Variants in RIMS1 observed in about 807,000 individuals in gnomAD.
RIMS1 encodes the protein regulating synaptic membrane exocytosis protein 1.
A neutral mutation model predicts 214.1 loss-of-function variants in RIMS1; 83 were observed. The ratio of observed to expected loss-of-function variants is 0.39; its 90% CI spans 0.32 to 0.47. The LOEUF is 0.47. Among genes scored for constraint, RIMS1 ranks in the 20% least tolerant of loss-of-function variants. The pLI, the probability that RIMS1 is intolerant of heterozygous loss-of-function variation, is 0.99. For missense variants in RIMS1, 2,050 were observed against 2,161.8 expected (o/e 0.95, Z 1.03); for synonymous variants, 793 against 786.8 (o/e 1.01, Z -0.13).
chr6:71,920,621 T>C (rs968370627), intron 1 of RIMS1, among the ~76,000 whole-genome samples: 72 of 152,194 alleles, frequency 4.7e-4, no homozygotes, highest in African/African-American at 1.7e-3. Flanking sequence ...ATTCCATCAA[T>C]GTTTTTATAC....
intron 2 of RIMS1, among the ~76,000 whole-genome samples, chr6:72,014,077 G>T (rs1001141113): frequency 6.6e-6 from 1 of 152,186 alleles, no homozygotes; most frequent in African/African-American, 2.4e-5. Context: ...AATTTATAAA[G>T]CAAAGAGGTT....
At position 72,075,160 on chromosome 6, in the gene RIMS1, C is replaced by G. The variant is rs556986097; in HGVS notation, c.246-21789C>G. Among the ~76,000 whole-genome samples, 99 of 152,234 alleles carry G rather than the reference C, an allele frequency of 6.5e-4. 2 individuals carry two copies. In the South Asian group the frequency reaches 0.019, roughly 30 times the overall value. On this transcript the variant is annotated intron_variant, in intron 2 of 33. Coordinates refer to ENST00000521978, the MANE Select transcript of RIMS1 (RefSeq NM_014989.7). ...GCAGTGGTGCAATCACAGCTCACTG[C>G]AGCCTCGACCTTCTGGGCTCAAGCA...
At chr6:72,380,829 G>T (rs2098474525) in intron 29 of RIMS1, among the ~76,000 whole-genome samples, 1 of 152,062 alleles carries the variant, frequency 6.6e-6, no homozygotes, top group South Asian at 2.1e-4. Flanking sequence ...ACCATGCCTG[G>T]CCTTCGGACC....
intron 2 of RIMS1, among the ~76,000 whole-genome samples, chr6:71,983,893 C>T (rs1184040134): frequency 6.6e-6 from 1 of 152,092 alleles, no homozygotes; most frequent in Non-Finnish European, 1.5e-5. Flanking sequence ...GATTAAAAAA[C>T]GTATTTTGGT....
intron 10 of RIMS1, 79 bp downstream of exon 10, chr6:72,242,516 C>A: frequency 1.0e-6 from 1 of 994,636 alleles, no homozygotes; most frequent in Non-Finnish European, 1.5e-6. Flanking sequence ...TTTATACATT[C>A]ATACAGTACA....
At chr6:72,169,274 A>G (rs1189294388) in intron 4 of RIMS1, among the ~76,000 whole-genome samples, 1 of 152,184 alleles carries the variant, frequency 6.6e-6, no homozygotes, top group African/African-American at 2.4e-5. Context: ...TCTAATAGGC[A>G]TGCATAATGC....
At chr6:71,941,814 G>A (rs749765058) in intron 1 of RIMS1, among the ~76,000 whole-genome samples, 1 of 152,152 alleles carries the variant, frequency 6.6e-6, no homozygotes, top group Non-Finnish European at 1.5e-5. Context: ...TTGACCAGGT[G>A]CTACACCAAT....
chr6:72,075,186 C>G (rs1264386681), intron 2 of RIMS1, among the ~76,000 whole-genome samples: 4 of 152,052 alleles, frequency 2.6e-5, no homozygotes, highest in Non-Finnish European at 4.4e-5. Flanking sequence ...GGCTCAAGCA[C>G]TCTTCCCACC....
intron 1 of RIMS1, among the ~76,000 whole-genome samples, chr6:71,949,661 TG>T (rs1788872282): frequency 6.6e-6 from 1 of 152,216 alleles, no homozygotes; most frequent in Admixed American, 6.5e-5. Context: ...CAAATGGCTA[TG>T]AGTTGTCAAG....
At chr6:72,148,042 A>G (rs1323077143) in intron 4 of RIMS1, among the ~76,000 whole-genome samples, 2 of 152,194 alleles carry the variant, frequency 1.3e-5, no homozygotes, top group Non-Finnish European at 2.9e-5. Flanking sequence ...TGTAAAAGTT[A>G]GCCCCTCCTC....
chr6:72,231,174 T>C (rs767036460), intron 6 of RIMS1, among the ~76,000 whole-genome samples: 4 of 151,878 alleles, frequency 2.6e-5, no homozygotes, highest in Non-Finnish European at 5.9e-5. Flanking sequence ...AGTGAAATCT[T>C]AGTTATAAAG....
intron 2 of RIMS1, among the ~76,000 whole-genome samples, chr6:72,058,088 A>T (rs1467403327): frequency 6.6e-6 from 1 of 152,232 alleles, no homozygotes; most frequent in Non-Finnish European, 1.5e-5. Flanking sequence ...CTGAAGGTGG[A>T]TATAAAGTTG....
At chr6:72,225,970 T>A (rs2060060281) in intron 6 of RIMS1, among the ~76,000 whole-genome samples, 1 of 152,134 alleles carries the variant, frequency 6.6e-6, no homozygotes, top group Non-Finnish European at 1.5e-5. Flanking sequence ...CCAAACTGTT[T>A]TGTGTGGAAA....
chr6:71,961,674 T>G (rs1269369758), intron 1 of RIMS1, among the ~76,000 whole-genome samples: 2 of 152,162 alleles, frequency 1.3e-5, no homozygotes, highest in African/African-American at 4.8e-5. Context: ...TACCTCCCTC[T>G]GATACACTGA....
intron 29 of RIMS1, among the ~76,000 whole-genome samples, chr6:72,369,666 A>T (rs1310638034): frequency 6.6e-6 from 1 of 152,254 alleles, no homozygotes; most frequent in East Asian, 1.9e-4. Flanking sequence ...AAGTGATTGT[A>T]GACTGTATTC....
chr6:71,923,507 T>A (rs960611203), intron 1 of RIMS1, among the ~76,000 whole-genome samples: 1 of 152,062 alleles, frequency 6.6e-6, no homozygotes, highest in Non-Finnish European at 1.5e-5. Context: ...CTGTTGATAA[T>A]GGTTACAGGG....
chr6:72,153,018 G>GTTTATATATGTATATATA (rs2043922659), intron 4 of RIMS1, among the ~76,000 whole-genome samples: 10 of 484 alleles, frequency 0.021, no homozygotes, highest in East Asian at 0.25. Flanking sequence ...GTATATATAT[G>GTTTATATATGTATATATA]TGTGTGTGTA....
chr6:72,366,511 CTG>C (rs2098025965), intron 29 of RIMS1, among the ~76,000 whole-genome samples: 1 of 152,190 alleles, frequency 6.6e-6, no homozygotes, highest in African/African-American at 2.4e-5. Context: ...AATGTTGTGA[CTG>C]TGGCAGTTTT....
chr6:72,219,095 A>G (rs2057437250), intron 6 of RIMS1, among the ~76,000 whole-genome samples: 1 of 152,194 alleles, frequency 6.6e-6, no homozygotes, highest in Non-Finnish European at 1.5e-5. Context: ...TGAACAGCAA[A>G]TATATATTCT....
Sources: gnomAD v4.1 joint callset for allele counts (sites outside exome capture counted in the v4.1 genomes callset) on GRCh38, gnomAD v4.1.1 for gene constraint, MANE v1.5 for transcripts, NCBI Gene and HGNC (gene_info 2026-07-23, HGNC 2026-07-21) for gene names.